CARNS1: variants seen among roughly 807,000 people sequenced by gnomAD.
CARNS1 encodes carnosine synthase 1.
CARNS1 carries 61 observed loss-of-function variants against 74.0 expected under a neutral mutation model. That is an observed-to-expected ratio of 0.82 (90% CI 0.67 to 1.02). CARNS1 has a LOEUF of 1.02. Among genes scored for constraint, CARNS1 ranks in the 50% least tolerant of loss-of-function variants. The probability of loss-of-function intolerance (pLI) is 0.00; values close to 1 mark genes in which losing one functional copy is unlikely to be tolerated. For missense variants in CARNS1, 1,278 were observed against 1,308.4 expected (o/e 0.98, Z 0.36); for synonymous variants, 568 against 605.5 (o/e 0.94, Z 0.91).
intron 2 of CARNS1, 111 bp downstream of exon 2, chr11:67,416,313 G>C (rs942534919): frequency 5.2e-6 from 8 of 1,524,786 alleles, no homozygotes; most frequent in African/African-American, 2.7e-5. Flanking sequence ...GCCCCCTGCA[G>C]ACAGCTTAGA....
At position 67,424,117 on chromosome 11, in the gene CARNS1, G is replaced by T. The variant is rs201274810; in HGVS notation, c.2369G>T (p.Cys790Phe). The change falls in exon 10 of 10, where the codon TGC becomes TTC. Residue 790 changes from cysteine (C) to phenylalanine (F), a missense_variant. By Grantham distance (205) the Cys-to-Phe change is radical. Coordinates refer to ENST00000687366, the MANE Select transcript of CARNS1 (RefSeq NM_001166222.2). ...GCAGCCTTCCGCTGTTGCCTGGGCT[G>T]CGGGTTGCTCGATGGAGTCTTCAAC... The part of the protein sequence containing the change: ...VQAAFRCCLG[C>F]GLLDGVFNVE... 2 of 1,613,768 alleles carry T rather than the reference G, an allele frequency of 1.2e-6. No individual in the cohort carries two copies. The highest frequency in any genetic ancestry group is 2.7e-5 in the African/African-American group (2 of 74,946).
chr11:67,420,949 C>T lies in CARNS1; in HGVS notation c.1356C>T (p.Phe452=). Residue 452 remains phenylalanine, a synonymous_variant, in exon 9 of 10, where the codon TTC becomes TTT. Transcript: ENST00000687366. ...TCCCGCCCGGCGCAGGCGTGGATTT[C>T]GCGCTGACAGCGGCCGGCGGCGTGC... ...RAHTDFLGVD[F]ALTAAGGVLT... 7.0e-7 allele frequency: 1 copy of T among 1,419,848 alleles called. No individual in the cohort carries two copies. Among genetic ancestry groups the T allele is most frequent in the African/African-American group, 1.5e-5 (1 of 66,786 alleles). The allele number at this position is 1,419,848 out of a possible 1,614,324, so 88.0% of individuals were successfully genotyped here. A position where few individuals can be genotyped will look rare whatever the true frequency, so the allele number is the denominator to read the frequency against.
intron 4 of CARNS1, 53 bp downstream of exon 4, chr11:67,418,573 C>A (rs1863607079): frequency 6.7e-7 from 1 of 1,493,584 alleles, no homozygotes; most frequent in East Asian, 2.5e-5. Context: ...GGCAGCCCTG[C>A]CCTGGCCCAG....
chr11:67,423,536 C>T lies in CARNS1; in HGVS notation c.1788C>T (p.Tyr596=), dbSNP rs779968391. The change falls in exon 10 of 10, where the codon TAC becomes TAT. Residue 596 remains tyrosine (Y), a synonymous_variant. Coordinates refer to ENST00000687366, the MANE Select transcript of CARNS1 (RefSeq NM_001166222.2). The surrounding 1 kb of genome is among the most constrained non-coding windows in gnomAD (Gnocchi z 5.1). ...RGLKLDGCFS[Y]WDDCLVLTAL... is the part of the protein sequence containing the mutation. The stretch of plus-strand genomic sequence containing the variant: ...TCAAGCTAGATGGCTGCTTCTCCTA[C>T]TGGGATGACTGCCTGGTGCTCACAG... 91 of 1,613,004 alleles carry T rather than the reference C, an allele frequency of 5.6e-5. No homozygotes were observed. The East Asian group carries it at 1.9e-3, about 34-fold the overall frequency.
At chr11:67,421,277 G>A in intron 9 of CARNS1, 58 bp downstream of exon 9, 2 of 1,383,892 alleles carry the variant, frequency 1.4e-6, no homozygotes, top group Non-Finnish European at 1.9e-6. Context: ...GGTGGAGGCG[G>A]GACCCCGGGG....
chr11:67,425,309 T>C lies in CARNS1; in HGVS notation c.*708T>C, dbSNP rs2135104802. The C allele has an allele frequency of 8.9e-6, 3 of 338,446 alleles. No homozygotes were observed. Among genetic ancestry groups the C allele is most frequent in the South Asian group, 4.7e-5 (2 of 42,900 alleles). The allele number at this position is 338,446 out of a possible 1,614,324, so 21.0% of individuals were successfully genotyped here. On this transcript the variant is annotated 3_prime_UTR_variant, in exon 10 of 10. Coordinates refer to ENST00000687366, the MANE Select transcript of CARNS1 (RefSeq NM_001166222.2). ...CAGGACATGATGCAGGGTCCAGGTT[T>C]CTGTTTTGATCAAGTCTTACATGCC... is the stretch of plus-strand genomic sequence containing the variant.
At position 67,418,902 on chromosome 11, in the gene CARNS1, C is replaced by T. The variant is rs781336685; in HGVS notation, c.511C>T (p.Arg171Cys). The T allele has an allele frequency of 1.8e-5, 29 of 1,594,792 alleles. No homozygotes were observed. The highest frequency in any genetic ancestry group is 2.7e-5 in the African/African-American group (2 of 74,488). ...TFLDDFVPPR[R>C]ATYFLAGLGL... ...CCTGGATGACTTTGTCCCCCCGCGC[C>T]GTGCCACCTACTTTTTGGCAGGCCT... The change falls in exon 5 of 10, where the codon CGT becomes TGT. Residue 171 changes from arginine (R) to cysteine (C), a missense_variant. Arg to Cys is a radical substitution (Grantham distance 180). This residue lies in a region of CARNS1 where 1,164 missense variants were observed against 1,156.5 expected (regional missense o/e 1.01). Coordinates refer to ENST00000687366, the MANE Select transcript of CARNS1 (RefSeq NM_001166222.2).
At position 67,425,229 on chromosome 11, in the gene CARNS1, G is replaced by T; in HGVS notation, c.*628G>T. ...ATGTTCCCCCGATGAGAGGAAACAGGCTGAGAGAAGAAAAATGACTGCTCC... is the reference window on the plus strand; with the variant it reads ...ATGTTCCCCCGATGAGAGGAAACAGTCTGAGAGAAGAAAAATGACTGCTCC... On this transcript the variant is annotated 3_prime_UTR_variant, in exon 10 of 10. Coordinates refer to ENST00000687366, the MANE Select transcript of CARNS1 (RefSeq NM_001166222.2). 2.7e-6 allele frequency: 1 copy of T among 370,138 alleles called. No homozygotes were observed. The highest frequency in any genetic ancestry group is 5.3e-6 in the Non-Finnish European group (1 of 187,220). The allele number at this position is 370,138 out of a possible 1,614,324, so 22.9% of individuals were successfully genotyped here.
chr11:67,421,510 C>T (rs1161013159), intron 9 of CARNS1, among the ~76,000 whole-genome samples: 1 of 152,060 alleles, frequency 6.6e-6, no homozygotes, highest in Non-Finnish European at 1.5e-5. Flanking sequence ...ATGGGCTGGG[C>T]GAGGGACAGC....
intron 7 of CARNS1, among the ~76,000 whole-genome samples, chr11:67,420,298 G>A (rs1863662891): frequency 6.6e-6 from 1 of 152,274 alleles, no homozygotes; most frequent in Admixed American, 6.5e-5. Context: ...GTGGGGTAGG[G>A]AAAGGTGCGC....
chr11:67,419,587 T>G lies in CARNS1; in HGVS notation c.953T>G (p.Leu318Arg), dbSNP rs1340634355. Residue 318 changes from leucine (L) to arginine (R), a missense_variant, in exon 6 of 10, where the codon CTG (leucine) becomes CGG (arginine). Physicochemically the swap from Leu to Arg is moderately radical, Grantham distance 102. Around this residue, in one of 3 missense-constraint regions of CARNS1, gnomAD observed 1,164 missense variants for 1,156.5 expected, o/e 1.01. Coordinates refer to ENST00000687366, the MANE Select transcript of CARNS1 (RefSeq NM_001166222.2). ...LGAVVDTVLA[L>R]LEKLEEEESV... ...GCAGTGGTGGACACAGTGCTGGCGC[T>G]GCTGGAGAAGCTGGAGGAGGAGGAG... is the stretch of plus-strand genomic sequence containing the variant. 6.2e-7 allele frequency: 1 copy of G among 1,606,346 alleles called. No individual in the cohort carries two copies. Among genetic ancestry groups the G allele is most frequent in the Admixed American group, 1.7e-5 (1 of 59,296 alleles).
Position 67,423,420 on chromosome 11 carries a change from G to T in CARNS1, c.1672G>T (p.Val558Leu), listed in dbSNP as rs1348010457. 1.2e-6 allele frequency: 2 copies of T among 1,613,524 alleles called. No homozygotes were observed. The highest frequency in any genetic ancestry group is 1.7e-6 in the Non-Finnish European group (2 of 1,179,526). Residue 558 changes from valine (V) to leucine (L), a missense_variant, in exon 10 of 10, where the codon GTA becomes TTA. Coordinates refer to ENST00000687366, the MANE Select transcript of CARNS1 (RefSeq NM_001166222.2). The surrounding 1 kb of genome is among the most constrained non-coding windows in gnomAD (Gnocchi z 5.1). ...CCCCAACCACTTTGCATCCCAGTTG[G>T]TACAGACCTTCATCCACTTTGACAT... ...SDPNHFASQLVQTFIHFDMTE... is the reference protein window; with the variant it reads ...SDPNHFASQLLQTFIHFDMTE...
Position 67,423,939 on chromosome 11 carries a change from A to G in CARNS1, c.2191A>G (p.Thr731Ala), listed in dbSNP as rs750416639. The change falls in exon 10 of 10, where the codon ACC (threonine) becomes GCC (alanine). Residue 731 changes from threonine (T) to alanine (A), a missense_variant. This residue lies in a region of CARNS1 where 1,164 missense variants were observed against 1,156.5 expected (regional missense o/e 1.01). Coordinates refer to ENST00000687366, the MANE Select transcript of CARNS1 (RefSeq NM_001166222.2). This position sits in a 1 kb window ranked among gnomAD's most constrained non-coding sequence, Gnocchi z 5.1. ...AMLLMEFVEGTEHDVDLVLFG... is the reference protein window; with the variant it reads ...AMLLMEFVEGAEHDVDLVLFG... ...GCTGCTGATGGAGTTTGTGGAGGGC[A>G]CCGAGCACGACGTGGACCTGGTGTT... 2 of 1,613,602 alleles carry G rather than the reference A, an allele frequency of 1.2e-6. No individual in the cohort carries two copies. The highest frequency in any genetic ancestry group is 8.5e-7 in the Non-Finnish European group (1 of 1,179,814).
At chr11:67,420,885 G>T in intron 8 of CARNS1, 45 bp downstream of exon 8, 1 of 1,317,932 alleles carries the variant, frequency 7.6e-7, no homozygotes, top group Non-Finnish European at 9.6e-7. Flanking sequence ...CGAGGGCCAG[G>T]GGCTGGAGGG....
chr11:67,418,382 A>G, intron 3 of CARNS1, 49 bp from the exon 4 acceptor site: 3 of 1,344,418 alleles, frequency 2.2e-6, no homozygotes, highest in Non-Finnish European at 2.9e-6. Flanking sequence ...GTGGGCAGAG[A>G]GACAGCAAGG....
chr11:67,421,054 G>T lies in CARNS1; in HGVS notation c.1461G>T (p.Pro487=). ...CGALEGLWAA[P]RLGPAADEAV... ...CGCTGGAGGGGCTGTGGGCCGCGCCGCGGCTGGGGCCGGCGGCCGACGAGG... is the reference window on the plus strand; with the variant it reads ...CGCTGGAGGGGCTGTGGGCCGCGCCTCGGCTGGGGCCGGCGGCCGACGAGG... Residue 487 remains proline, a synonymous_variant, in exon 9 of 10, where the codon CCG becomes CCT. Transcript: ENST00000687366. 7.4e-7 allele frequency: 1 copy of T among 1,357,772 alleles called. No individual in the cohort carries two copies. Among genetic ancestry groups the T allele is most frequent in the Non-Finnish European group, 9.4e-7 (1 of 1,066,144 alleles). 84.1% of individuals were successfully genotyped at this position (1,357,772 alleles called of 1,614,324 possible). A position where few individuals can be genotyped will look rare whatever the true frequency, so the allele number is the denominator to read the frequency against.
At chr11:67,420,503 T>G in intron 7 of CARNS1, 106 bp from the exon 8 acceptor site, 1 of 630,966 alleles carries the variant, frequency 1.6e-6, no homozygotes, top group Non-Finnish European at 2.3e-6. Flanking sequence ...CGGGGCTTCT[T>G]GAATGTCCAG....
In CARNS1 at chr11:67,423,826, A is replaced by T; in HGVS notation, c.2078A>T (p.Gln693Leu). ...VGVRLVEDAP[Q>L]CHEHFSRITR... Reference sequence around the variant, plus strand: ...GTCCGGCTGGTAGAGGATGCGCCACAGTGCCATGAGCACTTTTCCCGGATT... The same window carrying T: ...GTCCGGCTGGTAGAGGATGCGCCACTGTGCCATGAGCACTTTTCCCGGATT... Residue 693 changes from glutamine to leucine, a missense_variant, in exon 10 of 10, where the codon CAG becomes CTG. Transcript: ENST00000687366. This position sits in a 1 kb window ranked among gnomAD's most constrained non-coding sequence, Gnocchi z 5.1. The T allele has an allele frequency of 6.2e-7, 1 of 1,610,602 alleles. No individual in the cohort carries two copies. The highest frequency in any genetic ancestry group is 8.5e-7 in the Non-Finnish European group (1 of 1,179,806).
chr11:67,417,426 G>T lies in CARNS1; in HGVS notation c.23G>T (p.Gly8Val). The T allele has an allele frequency of 7.2e-7, 1 of 1,395,364 alleles. No homozygotes were observed. The highest frequency in any genetic ancestry group is 1.6e-5 in the South Asian group (1 of 63,730). 86.4% of individuals were successfully genotyped at this position (1,395,364 alleles called of 1,614,324 possible). The change falls in exon 3 of 10, where the codon GGT becomes GTT. Residue 8 changes from glycine to valine, a missense_variant. Around this residue, in one of 3 missense-constraint regions of CARNS1, gnomAD observed 104 missense variants for 127.3 expected, o/e 0.82. Transcript: ENST00000687366. MLSLDPSGPEWDCPLGSK... is the reference protein window; with the variant it reads MLSLDPSVPEWDCPLGSK... The stretch of plus-strand genomic sequence containing the variant: ...TCTCAGCTCTCCCTGGATCCATCGG[G>T]TCCCGAGTGGGATTGCCCACTGGGC...
Sources: gnomAD v4.1 joint callset for allele counts (sites outside exome capture counted in the v4.1 genomes callset) on GRCh38, gnomAD v4.1.1 for gene constraint, gnomAD v4.1.1 regional missense constraint, Gnocchi (gnomAD v3.1) non-coding constraint, MANE v1.5 for transcripts, NCBI Gene and HGNC (gene_info 2026-07-23, HGNC 2026-07-21) for gene names.